The following CNMD variants were observed in gnomAD, a reference collection of about 807,000 sequenced individuals.
CNMD encodes the protein leukocyte cell-derived chemotaxin 1.
Under a neutral mutation model 37.5 loss-of-function variants are expected in CNMD, and 30 were observed. That is an observed-to-expected ratio of 0.80 (90% CI 0.60 to 1.09). The LOEUF (loss-of-function observed/expected upper bound fraction) is 1.09. Among genes scored for constraint, CNMD ranks in the 50% least tolerant of loss-of-function variants. The pLI is 0.00. For synonymous variants in CNMD, 167 were observed against 148.2 expected (o/e 1.13, Z -0.92); for missense variants, 398 against 423.9 (o/e 0.94, Z 0.54).
At chr13:52,735,916 G>A (rs998779589) in intron 2 of CNMD, among the ~76,000 whole-genome samples, 95 of 143,688 alleles carry the variant, frequency 6.6e-4, no homozygotes, top group South Asian at 4.6e-4. Context: ...TGCAACCTCC[G>A]CCTCCCAGGT....
intron 2 of CNMD, among the ~76,000 whole-genome samples, chr13:52,734,910 G>T (rs912899683): frequency 2.6e-5 from 4 of 152,212 alleles, no homozygotes; most frequent in African/African-American, 9.6e-5. Flanking sequence ...TATCAGCAGA[G>T]ATACAGAAAT....
chr13:52,712,193 G>C (rs1964300393), intron 5 of CNMD, among the ~76,000 whole-genome samples: 1 of 151,948 alleles, frequency 6.6e-6, no homozygotes, highest in African/African-American at 2.4e-5. Flanking sequence ...CAGCCTAGCT[G>C]TGAACCCCAG....
At chr13:52,709,119 A>T (rs1307536888) in intron 5 of CNMD, among the ~76,000 whole-genome samples, 3 of 152,158 alleles carry the variant, frequency 2.0e-5, no homozygotes, top group Non-Finnish European at 4.4e-5. Context: ...GTTTCTGGGA[A>T]AGCTTTTGCT....
intron 6 of CNMD, among the ~76,000 whole-genome samples, chr13:52,707,462 A>G (rs546445619): frequency 6.6e-6 from 1 of 151,144 alleles, no homozygotes; most frequent in Non-Finnish European, 1.5e-5. Context: ...AGCCTAAAGC[A>G]TTTTACATCT....
intron 4 of CNMD, among the ~76,000 whole-genome samples, chr13:52,719,770 A>G (rs192153104): frequency 5.3e-5 from 8 of 151,892 alleles, no homozygotes; most frequent in Admixed American, 4.6e-4. Context: ...TTTTTCCTTC[A>G]TTTCAATCTT....
In CNMD at chr13:52,735,259, G is replaced by A. The variant is rs139651671; in HGVS notation, c.214-1900C>T. 3.6e-3 allele frequency among the ~76,000 whole-genome samples: 541 copies of A among 152,210 alleles called. 4 individuals carry two copies. The highest frequency in any genetic ancestry group is 0.011 in the African/African-American group (470 of 41,530). ...TTGGAAAGAAGGCTCTGTTCTGTCC[G>A]GTGCTCTCTGAGCAGCCAGTGTTCA... On this transcript the variant is annotated intron_variant, in intron 2 of 6. Transcript: ENST00000377962.
At chr13:52,736,516 G>A (rs946111941) in intron 2 of CNMD, among the ~76,000 whole-genome samples, 1 of 152,176 alleles carries the variant, frequency 6.6e-6, no homozygotes, top group African/African-American at 2.4e-5. Context: ...GGGAGGATGT[G>A]GGGGGAGGAG....
chr13:52,737,067 TCTC>T (rs1420218984), intron 2 of CNMD, among the ~76,000 whole-genome samples: 1 of 152,164 alleles, frequency 6.6e-6, no homozygotes, highest in East Asian at 1.9e-4. Flanking sequence ...TACAGCTGGT[TCTC>T]CTCTATAAAC....
At chr13:52,711,010 T>C (rs550789731) in intron 5 of CNMD, among the ~76,000 whole-genome samples, 3 of 152,240 alleles carry the variant, frequency 2.0e-5, no homozygotes, top group Non-Finnish European at 4.4e-5. Context: ...CCTTGTATCA[T>C]ATTATACAAT....
intron 2 of CNMD, among the ~76,000 whole-genome samples, chr13:52,735,072 G>C (rs1201583528): frequency 1.3e-5 from 2 of 151,916 alleles, no homozygotes; most frequent in Non-Finnish European, 2.9e-5. Context: ...TGTCTCCTAG[G>C]CTTCCCTGAT....
chr13:52,726,540 C>T (rs1443445370), intron 3 of CNMD, among the ~76,000 whole-genome samples: 2 of 151,182 alleles, frequency 1.3e-5, no homozygotes, highest in African/African-American at 2.4e-5. Flanking sequence ...AGAGACTATA[C>T]TACTGCATGC....
At chr13:52,704,903 T>TAAAAATAC (rs57696442) in intron 6 of CNMD, among the ~76,000 whole-genome samples, 144,711 of 151,710 alleles carry the variant, frequency 0.95, 69,040 homozygotes, top group East Asian at 0.99. Context: ...CCATCTCTAC[T>TAAAAATAC]AAAAAATTAG....
chr13:52,709,303 G>T (rs893873511), intron 5 of CNMD, among the ~76,000 whole-genome samples: 1 of 152,146 alleles, frequency 6.6e-6, no homozygotes, highest in East Asian at 1.9e-4. Flanking sequence ...TGGTATCATT[G>T]AGTAGCTGAT....
intron 6 of CNMD, among the ~76,000 whole-genome samples, 161 bp from the exon 7 acceptor site, chr13:52,703,971 C>T (rs1469941508): frequency 6.6e-6 from 1 of 152,140 alleles, no homozygotes; most frequent in Non-Finnish European, 1.5e-5. Flanking sequence ...TTCATGTTCA[C>T]TGCTGTCATT....
At chr13:52,713,522 G>A (rs958979978) in intron 4 of CNMD, among the ~76,000 whole-genome samples, 24 of 152,244 alleles carry the variant, frequency 1.6e-4, no homozygotes, top group Admixed American at 5.9e-4. Flanking sequence ...TGTTCCTTTC[G>A]TGTACTTATT....
intron 4 of CNMD, among the ~76,000 whole-genome samples, chr13:52,715,099 T>A (rs1217751179): frequency 6.6e-6 from 1 of 152,216 alleles, no homozygotes; most frequent in Non-Finnish European, 1.5e-5. Flanking sequence ...AATTACCACA[T>A]CAGGGTAATT....
In CNMD at chr13:52,739,016, G is replaced by A. The variant is rs199528727; in HGVS notation, c.213+15C>T. 1.3e-6 allele frequency: 2 copies of A among 1,552,972 alleles called. No individual in the cohort carries two copies. Among genetic ancestry groups the A allele is most frequent in the Non-Finnish European group, 1.7e-6 (2 of 1,155,632 alleles). ...GGCGACACGGGGGTCCCCGCGCGCC[G>A]CCCTCTGGACTTACGTGACTGTCGC... is the stretch of plus-strand genomic sequence containing the variant. On this transcript the variant is annotated intron_variant, in intron 2 of 6. Transcript: ENST00000377962. This position sits in a 1 kb window ranked among gnomAD's most constrained non-coding sequence, Gnocchi z 5.4.
intron 2 of CNMD, among the ~76,000 whole-genome samples, chr13:52,734,745 T>C (rs1205519952): frequency 1.3e-5 from 2 of 152,178 alleles, no homozygotes. Flanking sequence ...CAGTCAAAAC[T>C]GCAAATAGCT....
intron 3 of CNMD, among the ~76,000 whole-genome samples, chr13:52,724,417 CAAAAAAAAAAA>C (rs71094319): frequency 1.4e-4 from 12 of 85,818 alleles, no homozygotes; most frequent in Non-Finnish European, 2.1e-5. Context: ...ACTAAAAATA[CAAAAAAAAAAA>C]AAAAAAAAAA....
Sources: gnomAD v4.1 joint callset for allele counts (sites outside exome capture counted in the v4.1 genomes callset) on GRCh38, gnomAD v4.1.1 for gene constraint, Gnocchi (gnomAD v3.1) non-coding constraint, MANE v1.5 for transcripts, NCBI Gene and HGNC (gene_info 2026-07-23, HGNC 2026-07-21) for gene names.